The following SMIM31 variants were observed in gnomAD, a reference collection of about 807,000 sequenced individuals.
SMIM31 encodes human epithelial cell program regulator.
intron 2 of SMIM31, among the ~76,000 whole-genome samples, chr4:164,785,725 T>G (rs1733018400): frequency 6.6e-6 from 1 of 150,618 alleles, no homozygotes; most frequent in South Asian, 2.1e-4. Context: ...TACATAATCT[T>G]TAAGCTTCTT....
At chr4:164,787,898 A>G (rs902226889) in intron 2 of SMIM31, among the ~76,000 whole-genome samples, 2 of 152,160 alleles carry the variant, frequency 1.3e-5, no homozygotes, top group African/African-American at 4.8e-5. Flanking sequence ...ATCTTTGGCA[A>G]TCTACTTATA....
Position 164,783,217 on chromosome 4 carries a change from C to CA in SMIM31, c.112+12677dup, listed in dbSNP as rs753365487. On this transcript the variant is annotated intron_variant, in intron 2 of 2. Coordinates refer to ENST00000507311, the MANE Select transcript of SMIM31 (RefSeq NM_001352885.1). Reference sequence around the variant, plus strand: ...TGGGCAACATAGCAAGACTCTGTCTCAAAAAAAAAAAAAAAGGAATTTCTG... The same window carrying CA: ...TGGGCAACATAGCAAGACTCTGTCTCAAAAAAAAAAAAAAAAGGAATTTCTG... 3.9e-3 allele frequency among the ~76,000 whole-genome samples: 127 copies of CA among 32,844 alleles called. 1 individual carries two copies. Among genetic ancestry groups the CA allele is most frequent in the Admixed American group, 8.1e-3 (34 of 4,204 alleles). 21.5% of individuals were successfully genotyped at this position (32,844 alleles called of 152,430 possible). A position where few individuals can be genotyped will look rare whatever the true frequency, so the allele number is the denominator to read the frequency against.
intron 2 of SMIM31, among the ~76,000 whole-genome samples, chr4:164,800,751 G>A (rs915377097): frequency 1.2e-4 from 18 of 152,114 alleles, no homozygotes; most frequent in Admixed American, 3.3e-4. Context: ...TGTTTCTCAC[G>A]TGCCATTAAT....
At chr4:164,756,069 C>T (rs1732556867) in intron 1 of SMIM31, among the ~76,000 whole-genome samples, 1 of 152,132 alleles carries the variant, frequency 6.6e-6, no homozygotes, top group African/African-American at 2.4e-5. Context: ...GAAAGTATAT[C>T]ACTAACTAGA....
At chr4:164,763,013 G>A (rs28526850) in intron 1 of SMIM31, among the ~76,000 whole-genome samples, 19,759 of 152,096 alleles carry the variant, frequency 0.13, 1,542 homozygotes, top group African/African-American at 0.21. Context: ...TGATTGTTTT[G>A]CTTAGGGGAT....
chr4:164,763,309 C>G (rs1732676000), intron 1 of SMIM31, among the ~76,000 whole-genome samples: 1 of 152,002 alleles, frequency 6.6e-6, no homozygotes, highest in South Asian at 2.1e-4. Context: ...GTTATATTAT[C>G]TATAATCACA....
At chr4:164,769,530 G>A (rs1199809322) in intron 1 of SMIM31, among the ~76,000 whole-genome samples, 1 of 147,140 alleles carries the variant, frequency 6.8e-6, no homozygotes, top group African/African-American at 2.5e-5. Flanking sequence ...TCACCCATAG[G>A]TGGGAATTGA....
rs948895131 is a variant in SMIM31 at position 164,770,418 on chromosome 4, G to A, written c.-25-1G>A. 2.8e-5 allele frequency: 11 copies of A among 398,744 alleles called. No individual in the cohort carries two copies. The highest frequency in any genetic ancestry group is 4.4e-5 in the Non-Finnish European group (10 of 225,998). 24.7% of individuals were successfully genotyped at this position (398,744 alleles called of 1,614,324 possible). ...GAGCCCATGTTTTATTCCTATTGTA[G>A]GTGAAGAAGTTTTCGGTGGTGGTTC... On this transcript the variant is annotated splice_acceptor_variant, in intron 1 of 2. Transcript: ENST00000507311. LOFTEE classifies it low-confidence loss of function (5UTR_SPLICE).
chr4:164,769,742 T>TAA (rs57603306), intron 1 of SMIM31, among the ~76,000 whole-genome samples: 2 of 143,130 alleles, frequency 1.4e-5, no homozygotes, highest in Non-Finnish European at 1.5e-5. Context: ...ACTTAAAGTA[T>TAA]AAAAAAAAAA....
chr4:164,799,396 A>T (rs1308958414), intron 2 of SMIM31, among the ~76,000 whole-genome samples: 1 of 152,056 alleles, frequency 6.6e-6, no homozygotes, highest in Non-Finnish European at 1.5e-5. Flanking sequence ...AAAAAATAAT[A>T]AATAAATAAA....
chr4:164,797,833 C>A (rs1034777155), intron 2 of SMIM31, among the ~76,000 whole-genome samples: 1 of 152,096 alleles, frequency 6.6e-6, no homozygotes, highest in Admixed American at 6.6e-5. Context: ...ACCCATTACC[C>A]AAATAGTCAA....
intron 1 of SMIM31, among the ~76,000 whole-genome samples, chr4:164,759,903 C>G (rs9997739): frequency 0.6 from 91,394 of 151,978 alleles, 27,709 homozygotes; most frequent in Admixed American, 0.65. Flanking sequence ...AAGGAGACTG[C>G]GGGGAGTTCC....
chr4:164,793,200 G>C (rs1418699199), intron 2 of SMIM31, among the ~76,000 whole-genome samples: 1 of 152,134 alleles, frequency 6.6e-6, no homozygotes, highest in Non-Finnish European at 1.5e-5. Context: ...AATAGATACT[G>C]GAGACTAACG....
chr4:164,780,509 T>C (rs1732935908), intron 2 of SMIM31, among the ~76,000 whole-genome samples: 1 of 152,238 alleles, frequency 6.6e-6, no homozygotes, highest in Non-Finnish European at 1.5e-5. Flanking sequence ...AGGTGTGTCC[T>C]GAAGGCCTTT....
chr4:164,786,616 C>G (rs1441795535), intron 2 of SMIM31, among the ~76,000 whole-genome samples: 1 of 152,190 alleles, frequency 6.6e-6, no homozygotes, highest in Admixed American at 6.5e-5. Flanking sequence ...AACTAGTTAT[C>G]CAGAAAATTT....
At chr4:164,779,539 ATTT>A (rs11352211) in intron 2 of SMIM31, among the ~76,000 whole-genome samples, 1 of 151,886 alleles carries the variant, frequency 6.6e-6, no homozygotes, top group South Asian at 2.1e-4. Flanking sequence ...AAAGTCAGCA[ATTT>A]TTTTTTGCAA....
intron 2 of SMIM31, among the ~76,000 whole-genome samples, chr4:164,797,844 C>A (rs1372963123): frequency 6.6e-6 from 1 of 152,116 alleles, no homozygotes; most frequent in Non-Finnish European, 1.5e-5. Flanking sequence ...AAATAGTCAA[C>A]ATTATACCCA....
chr4:164,800,388 A>G (rs1394221650), intron 2 of SMIM31, among the ~76,000 whole-genome samples: 1 of 152,006 alleles, frequency 6.6e-6, no homozygotes, highest in Non-Finnish European at 1.5e-5. Context: ...TTTAATTTTT[A>G]GTAGAGATGG....
chr4:164,754,481 A>T (rs1457959700), intron 1 of SMIM31, 70 bp downstream of exon 1: 12 of 141,640 alleles, frequency 8.5e-5, no homozygotes, highest in African/African-American at 3.1e-4. Flanking sequence ...TAACTAATTC[A>T]TATGGACTAG....
Sources: gnomAD v4.1 joint callset for allele counts (sites outside exome capture counted in the v4.1 genomes callset) on GRCh38, gnomAD v4.1.1 for gene constraint, MANE v1.5 for transcripts, NCBI Gene and HGNC (gene_info 2026-07-23, HGNC 2026-07-21) for gene names.